LARGE1: variants seen among roughly 807,000 people sequenced by gnomAD.
LARGE1 encodes LARGE xylosyl- and glucuronyltransferase 1.
LARGE1 carries 43 observed loss-of-function variants against 87.6 expected under a neutral mutation model. The observed-to-expected ratio is 0.49, with a 90% CI of 0.38 to 0.63. LARGE1 has a LOEUF of 0.63. Among genes scored for constraint, LARGE1 ranks in the 30% least tolerant of loss-of-function variants. The pLI is 0.00. For missense variants in LARGE1, 802 were observed against 1,000.2 expected, an observed-to-expected ratio of 0.80 and a Z score of 2.67; for synonymous variants, 434 against 394.6, an observed-to-expected ratio of 1.10 and a Z score of -1.18.
chr22:33,862,051 G>A (rs1333984454), intron 1 of LARGE1, among the ~76,000 whole-genome samples: 1 of 151,744 alleles, frequency 6.6e-6, no homozygotes. Context: ...AGTAGACAGA[G>A]GGTCTCACCA....
At chr22:33,646,828 A>C (rs1034833117) in intron 3 of LARGE1, among the ~76,000 whole-genome samples, 2 of 152,140 alleles carry the variant, frequency 1.3e-5, no homozygotes, top group African/African-American at 4.8e-5. Flanking sequence ...CCCAGGTTCA[A>C]ACGATTCTCC....
At chr22:33,608,044 C>A (rs2148995964) in intron 4 of LARGE1, among the ~76,000 whole-genome samples, 1 of 152,278 alleles carries the variant, frequency 6.6e-6, no homozygotes, top group African/African-American at 2.4e-5. Flanking sequence ...TACCTGAGGG[C>A]CAAGTCAGAG....
intron 11 of LARGE1, among the ~76,000 whole-genome samples, chr22:33,215,363 T>A (rs1925153995): frequency 2.0e-5 from 3 of 152,176 alleles, no homozygotes; most frequent in South Asian, 4.2e-4. Flanking sequence ...TGTTTATAGG[T>A]TATTTATTTA....
At chr22:33,374,075 C>T (rs865785680) in intron 9 of LARGE1, among the ~76,000 whole-genome samples, 11 of 151,396 alleles carry the variant, frequency 7.3e-5, no homozygotes, top group South Asian at 2.1e-4. Context: ...CTTGACATGT[C>T]GGAATTATCC....
At chr22:33,106,206 C>T in the LARGE1 span, 1 of 152,362 alleles carries the variant, frequency 6.6e-6, no homozygotes, top group East Asian at 1.9e-4. Flanking sequence ...TTGGGCACCT[C>T]TGCTGTCCAG....
intron 1 of LARGE1, among the ~76,000 whole-genome samples, chr22:33,766,038 T>C (rs2283946): frequency 0.26 from 39,195 of 152,144 alleles, 5,772 homozygotes; most frequent in South Asian, 0.41. Context: ...AACACATTTT[T>C]AAGAAAAATC....
At chr22:33,590,354 G>A (rs1318767980) in intron 5 of LARGE1, among the ~76,000 whole-genome samples, 1 of 152,044 alleles carries the variant, frequency 6.6e-6, no homozygotes, top group East Asian at 1.9e-4. Context: ...AAGCATTTAC[G>A]TTTATTAAAG....
rs536277743 is a variant in LARGE1, at chr22:33,784,860, T to G, written c.-82-23302A>C. ...AATATACACACATAGACAGTTTATA[T>G]TTGTACGTATTTATACTATATTTGT... On this transcript the variant is annotated intron_variant, in intron 1 of 14. Coordinates refer to ENST00000397394, the MANE Select transcript of LARGE1 (RefSeq NM_133642.5). Among the ~76,000 whole-genome samples the G allele has an allele frequency of 1.4e-3, 209 of 151,444 alleles. 5 individuals are homozygous for G. Among genetic ancestry groups the G allele is most frequent in the Non-Finnish European group, 8.3e-4 (56 of 67,808 alleles).
the LARGE1 span, among the ~76,000 whole-genome samples, chr22:33,121,875 G>A: frequency 6.6e-6 from 1 of 152,216 alleles, no homozygotes; most frequent in African/African-American, 2.4e-5. Context: ...GAGAGCTTGT[G>A]TAGGGGAACT....
the LARGE1 span, among the ~76,000 whole-genome samples, chr22:33,101,996 T>C: frequency 1.6e-4 from 25 of 152,202 alleles, no homozygotes; most frequent in Non-Finnish European, 1.6e-4. Context: ...ACCAAATGTT[T>C]ACCTGAAATG....
intron 5 of LARGE1, among the ~76,000 whole-genome samples, chr22:33,574,261 T>C (rs2078287084): frequency 6.6e-6 from 1 of 152,204 alleles, no homozygotes; most frequent in African/African-American, 2.4e-5. Flanking sequence ...AATCCAAAGA[T>C]GCTCAAGTCT....
the LARGE1 span, among the ~76,000 whole-genome samples, chr22:33,138,135 G>A: frequency 3.3e-5 from 5 of 152,308 alleles, no homozygotes; most frequent in East Asian, 5.8e-4. Context: ...CTACAAAACC[G>A]TAGTGGCAGA....
chr22:33,689,954 T>C (rs900541944), intron 2 of LARGE1, among the ~76,000 whole-genome samples: 13 of 151,814 alleles, frequency 8.6e-5, no homozygotes, highest in Non-Finnish European at 1.6e-4. Context: ...AAAAATGATA[T>C]GAATAACTAA....
chr22:33,623,584 G>A (rs548855366), intron 4 of LARGE1, among the ~76,000 whole-genome samples: 2 of 151,802 alleles, frequency 1.3e-5, no homozygotes, highest in Non-Finnish European at 2.9e-5. Context: ...CTGCAGGCAC[G>A]TAAGTGGCCC....
chr22:33,432,748 G>C (rs1290815713), intron 6 of LARGE1, among the ~76,000 whole-genome samples: 1 of 152,186 alleles, frequency 6.6e-6, no homozygotes, highest in East Asian at 1.9e-4. Context: ...TCTCACGACA[G>C]GGAGGAGGGA....
chr22:33,578,527 G>A (rs534496315), intron 5 of LARGE1, among the ~76,000 whole-genome samples: 33 of 151,952 alleles, frequency 2.2e-4, no homozygotes, highest in Non-Finnish European at 3.5e-4. Flanking sequence ...AATAACAATC[G>A]CATTTGTTGA....
chr22:33,444,598 A>C (rs2067614156), intron 6 of LARGE1, among the ~76,000 whole-genome samples: 1 of 152,322 alleles, frequency 6.6e-6, no homozygotes, highest in African/African-American at 2.4e-5. Context: ...TTCTTGTTGA[A>C]TGAGGAAGAA....
chr22:33,409,302 G>A (rs886402125), intron 7 of LARGE1, among the ~76,000 whole-genome samples: 1 of 152,160 alleles, frequency 6.6e-6, no homozygotes, highest in Non-Finnish European at 1.5e-5. Flanking sequence ...AGGAGGAGGA[G>A]GAGGCTGGTC....
intron 1 of LARGE1, among the ~76,000 whole-genome samples, chr22:33,854,212 GAAA>G (rs67771177): frequency 2.5e-4 from 18 of 72,704 alleles, no homozygotes; most frequent in African/African-American, 9.1e-4. Context: ...CACTTAAGGG[GAAA>G]AAAAAAAAAA....
Sources: allele counts gnomAD v4.1 joint callset (sites outside exome capture counted in the v4.1 genomes callset), GRCh38; gene constraint gnomAD v4.1.1; transcripts MANE v1.5; gene names NCBI Gene and HGNC (gene_info 2026-07-23, HGNC 2026-07-21).